Variants in DNM2 observed in about 807,000 individuals in gnomAD.
The protein encoded by DNM2 is dynamin-2.
DNM2 carries 15 observed loss-of-function variants against 99.0 expected under a neutral mutation model. The observed-to-expected ratio is 0.15, with a 90% CI of 0.10 to 0.23. The LOEUF is 0.23. DNM2 is among the 10% of genes least tolerant of loss of function. DNM2 has a pLI of 1.00. For synonymous variants in DNM2, 525 were observed against 481.2 expected (o/e 1.09, Z -1.19); for missense variants, 742 against 1,189.4 (o/e 0.62, Z 5.53).
chr19:10,731,370 T>C (rs1820696906), intron 1 of DNM2, among the ~76,000 whole-genome samples: 3 of 149,100 alleles, frequency 2.0e-5, no homozygotes, highest in Admixed American at 2.0e-4. Flanking sequence ...TTTTTTTTTT[T>C]TGAGGCAGAG....
chr19:10,828,987 T>C, intron 18 of DNM2, 49 bp from the exon 19 acceptor site: 1 of 1,571,814 alleles, frequency 6.4e-7, no homozygotes, highest in Non-Finnish European at 8.7e-7. Context: ...CTGTGGGTTC[T>C]GGGTTGGGGT....
At chr19:10,776,572 C>T (rs2071163119) in intron 4 of DNM2, among the ~76,000 whole-genome samples, 1 of 152,358 alleles carries the variant, frequency 6.6e-6, no homozygotes, top group East Asian at 1.9e-4. Flanking sequence ...GAGCCAGGCC[C>T]TCAGCCCCCG....
rs751683529 is a variant in DNM2, at chr19:10,772,892, C to G, written c.385+264C>G. On this transcript the variant is annotated intron_variant, in intron 3 of 20. Transcript: ENST00000389253. The surrounding 1 kb of genome is among the most constrained non-coding windows in gnomAD (Gnocchi z 4.9). ...GATTGCAGCCATTTCCCCCTTTTAC[C>G]AAGGGCAGCCACCACTTGGCTCAAG... 1.3e-5 allele frequency among the ~76,000 whole-genome samples: 2 copies of G among 151,850 alleles called. No individual in the cohort carries two copies. Among genetic ancestry groups the G allele is most frequent in the Non-Finnish European group, 2.9e-5 (2 of 68,012 alleles).
At chr19:10,751,651 G>C (rs900670899) in intron 1 of DNM2, among the ~76,000 whole-genome samples, 1 of 152,194 alleles carries the variant, frequency 6.6e-6, no homozygotes, top group East Asian at 1.9e-4. Context: ...GCAGCAGTCT[G>C]GGAACTTTTA....
chr19:10,775,404 TC>T lies in DNM2; in HGVS notation c.386-298del, dbSNP rs1369934017. On this transcript the variant is annotated intron_variant, in intron 3 of 20. Transcript: ENST00000389253. This position sits in a 1 kb window ranked among gnomAD's most constrained non-coding sequence, Gnocchi z 4.3. ...GCCTCATCTGTTTGTCTGTAATGGT[TC>T]TTTGGTATTGGCTGAATGGATGGGC... Among the ~76,000 whole-genome samples, 4 of 152,198 alleles carry T rather than the reference TC, an allele frequency of 2.6e-5. No homozygotes were observed. The highest frequency in any genetic ancestry group is 1.5e-5 in the Non-Finnish European group (1 of 68,038).
Position 10,831,125 on chromosome 19 carries a change from CG to C in DNM2, c.*79del. 1 of 1,499,586 alleles carries C rather than the reference CG, an allele frequency of 6.7e-7. No individual in the cohort carries two copies. Among genetic ancestry groups the C allele is most frequent in the East Asian group, 2.6e-5 (1 of 39,114 alleles). The allele number at this position is 1,499,586 out of a possible 1,614,324, so 92.9% of individuals were successfully genotyped here. A position where few individuals can be genotyped will look rare whatever the true frequency, so the allele number is the denominator to read the frequency against. On this transcript the variant is annotated 3_prime_UTR_variant, in exon 21 of 21. Coordinates refer to ENST00000389253, the MANE Select transcript of DNM2 (RefSeq NM_001005361.3). This position sits in a 1 kb window ranked among gnomAD's most constrained non-coding sequence, Gnocchi z 4.3. The stretch of plus-strand genomic sequence containing the variant: ...GCTTCAGTGGTCTGGGGCCCTCCGC[CG>C]CCCCTATGCTGGGACCAGGCTCCCA...
intron 7 of DNM2, among the ~76,000 whole-genome samples, chr19:10,791,583 G>A (rs1422697831): frequency 6.6e-6 from 1 of 152,214 alleles, no homozygotes; most frequent in African/African-American, 2.4e-5. Context: ...CTCTGATTGT[G>A]CAGCGTGGGT....
intron 1 of DNM2, among the ~76,000 whole-genome samples, chr19:10,756,330 C>T (rs1190217556): frequency 1.3e-5 from 2 of 152,064 alleles, no homozygotes; most frequent in African/African-American, 4.8e-5. Context: ...GTCTTCCTCG[C>T]ACCCACCCCC....
At chr19:10,779,068 A>C (rs1360655261) in intron 5 of DNM2, among the ~76,000 whole-genome samples, 1 of 152,058 alleles carries the variant, frequency 6.6e-6, no homozygotes, top group Non-Finnish European at 1.5e-5. Flanking sequence ...ACAAAAAATT[A>C]GCCAGGCGTG....
intron 18 of DNM2, 181 bp from the exon 19 acceptor site, chr19:10,828,855 G>A (rs2073236714): frequency 2.2e-5 from 14 of 631,282 alleles, no homozygotes; most frequent in African/African-American, 3.6e-5. Flanking sequence ...AACCCGGGAG[G>A]CGGAGGTTGC....
chr19:10,802,377 T>C lies in DNM2; in HGVS notation c.1493+19T>C. The stretch of plus-strand genomic sequence containing the variant: ...TTGCCAAGTAGGTACTTTTAGAGAC[T>C]GGCTGGTCGGGCGGCACCAATCCTC... On this transcript the variant is annotated intron_variant, in intron 12 of 20. Coordinates refer to ENST00000389253, the MANE Select transcript of DNM2 (RefSeq NM_001005361.3). 6.2e-7 allele frequency: 1 copy of C among 1,613,936 alleles called. No homozygotes were observed. Among genetic ancestry groups the C allele is most frequent in the African/African-American group, 1.3e-5 (1 of 75,032 alleles).
chr19:10,830,949 CT>C lies in DNM2; in HGVS notation c.2544-28del. 6.2e-7 allele frequency: 1 copy of C among 1,603,182 alleles called. No homozygotes were observed. Among genetic ancestry groups the C allele is most frequent in the Non-Finnish European group, 8.5e-7 (1 of 1,174,694 alleles). ...CTCCCGGCCTCACTGCCGTCTCCCC[CT>C]CCCCACCTGTCTTTATTCTCTTTGC... is the stretch of plus-strand genomic sequence containing the variant. On this transcript the variant is annotated intron_variant, in intron 20 of 20. Transcript: ENST00000389253. The surrounding 1 kb of genome is among the most constrained non-coding windows in gnomAD (Gnocchi z 4.8).
chr19:10,740,017 T>C (rs901966224), intron 1 of DNM2, among the ~76,000 whole-genome samples: 9 of 152,136 alleles, frequency 5.9e-5, no homozygotes, highest in African/African-American at 2.2e-4. Flanking sequence ...AATTTGGGTC[T>C]TTCTAGGAAT....
chr19:10,780,618 A>C (rs1456500574), intron 5 of DNM2, among the ~76,000 whole-genome samples: 1 of 152,096 alleles, frequency 6.6e-6, no homozygotes, highest in African/African-American at 2.4e-5. Context: ...CTAATGACTC[A>C]CAACTCCTCC....
At chr19:10,781,044 C>T (rs548963681) in intron 5 of DNM2, among the ~76,000 whole-genome samples, 4 of 135,860 alleles carry the variant, frequency 2.9e-5, no homozygotes, top group African/African-American at 5.2e-5. Context: ...AAAAAAAATC[C>T]GTGTGTGATG....
intron 18 of DNM2, among the ~76,000 whole-genome samples, chr19:10,826,011 G>A (rs1354683084): frequency 6.6e-6 from 1 of 152,048 alleles, no homozygotes; most frequent in African/African-American, 2.4e-5. Context: ...CTCCAGCCTG[G>A]GCGACAGAGC....
rs758093165 is a variant in DNM2, at chr19:10,831,054, A to AG, written c.*13dup. The AG allele has an allele frequency of 1.5e-5, 24 of 1,597,986 alleles. No individual in the cohort carries two copies. Among genetic ancestry groups the AG allele is most frequent in the South Asian group, 1.5e-4 (13 of 88,500 alleles). On this transcript the variant is annotated 3_prime_UTR_variant, in exon 21 of 21. Transcript: ENST00000389253. This position sits in a 1 kb window ranked among gnomAD's most constrained non-coding sequence, Gnocchi z 4.3. ...GCCATCCCTGCTCGACTAGGCCTCG[A>AG]GGGGGGCGTGCTCTCGGGGGGGCCT... is the stretch of plus-strand genomic sequence containing the variant.
chr19:10,739,861 C>CA (rs59755624), intron 1 of DNM2, among the ~76,000 whole-genome samples: 1,588 of 32,398 alleles, frequency 0.049, 86 homozygotes, highest in Non-Finnish European at 0.068. Flanking sequence ...CTCTCTCTCT[C>CA]AAAAAAAAAA....
At chr19:10,741,197 G>T (rs1369396531) in intron 1 of DNM2, among the ~76,000 whole-genome samples, 1 of 152,048 alleles carries the variant, frequency 6.6e-6, no homozygotes, top group African/African-American at 2.4e-5. Flanking sequence ...ATGATTGAAA[G>T]TGGGGTATTG....
Sources: gnomAD v4.1 joint callset for allele counts (sites outside exome capture counted in the v4.1 genomes callset) on GRCh38, gnomAD v4.1.1 for gene constraint, Gnocchi (gnomAD v3.1) non-coding constraint, MANE v1.5 for transcripts, NCBI Gene and HGNC (gene_info 2026-07-23, HGNC 2026-07-21) for gene names.